MGAT4C: variants seen among roughly 807,000 people sequenced by gnomAD.
MGAT4C encodes the protein alpha-1,3-mannosyl-glycoprotein 4-beta-N-acetylglucosaminyltransferase C.
MGAT4C carries 19 observed loss-of-function variants against 40.1 expected under a neutral mutation model. That is an observed-to-expected ratio of 0.47 (90% CI 0.33 to 0.70). MGAT4C has a LOEUF of 0.70. MGAT4C is among the 30% of genes least tolerant of loss of function. MGAT4C has a pLI of 0.02. For missense variants in MGAT4C, 491 were observed against 563.2 expected (o/e 0.87, Z 1.30); for synonymous variants, 181 against 187.1 (o/e 0.97, Z 0.27).
At chr12:86,399,771 A>G (rs997756518) in intron 3 of MGAT4C, among the ~76,000 whole-genome samples, 1 of 152,182 alleles carries the variant, frequency 6.6e-6, no homozygotes, top group Non-Finnish European at 1.5e-5. Context: ...CACAGCAACA[A>G]AAGTTTCTAC....
chr12:86,770,926 T>C (rs1951622164), intron 1 of MGAT4C, among the ~76,000 whole-genome samples: 2 of 152,102 alleles, frequency 1.3e-5, no homozygotes, highest in African/African-American at 4.8e-5. Context: ...TTCCCCAAAC[T>C]CATATGTTGA....
intron 4 of MGAT4C, among the ~76,000 whole-genome samples, chr12:86,292,680 T>C (rs991645041): frequency 3.3e-5 from 5 of 152,206 alleles, no homozygotes; most frequent in African/African-American, 9.6e-5. Context: ...AAACTGCTGT[T>C]CCATTCTATT....
intron 3 of MGAT4C, among the ~76,000 whole-genome samples, chr12:86,411,103 T>G (rs1448750634): frequency 2.6e-5 from 4 of 152,202 alleles, no homozygotes; most frequent in Non-Finnish European, 5.9e-5. Flanking sequence ...TAGTATCAAG[T>G]AGTTCCTTAT....
chr12:86,216,448 C>T lies in MGAT4C; in HGVS notation c.-57+39791G>A, dbSNP rs139771774. On this transcript the variant is annotated intron_variant, in intron 1 of 4. Transcript: ENST00000611864. The stretch of plus-strand genomic sequence containing the variant: ...GCCATCTGGGCAGAAACTCTTGTTC[C>T]ATTGGCCAGTAAAACAATTTGGATC... 6.1e-3 allele frequency among the ~76,000 whole-genome samples: 921 copies of T among 152,204 alleles called. 6 individuals carry two copies. Among genetic ancestry groups the T allele is most frequent in the African/African-American group, 0.021 (890 of 41,536 alleles).
chr12:86,179,771 G>A (rs1380394202), intron 1 of MGAT4C, among the ~76,000 whole-genome samples: 1 of 152,140 alleles, frequency 6.6e-6, no homozygotes, highest in African/African-American at 2.4e-5. Flanking sequence ...AAAGTGACTT[G>A]GGTGCTGTTA....
At chr12:86,200,127 G>GTTTTTTTTTTTTTTTTTTTTTTT (rs56844963) in intron 1 of MGAT4C, among the ~76,000 whole-genome samples, 1 of 102,356 alleles carries the variant, frequency 9.8e-6, no homozygotes, top group African/African-American at 4.8e-5. Flanking sequence ...GTATGTATTT[G>GTTTTTTTTTTTTTTTTTTTTTTT]TTTTTTTTTT....
At chr12:86,496,912 T>C (rs1408127309) in intron 2 of MGAT4C, among the ~76,000 whole-genome samples, 1 of 151,974 alleles carries the variant, frequency 6.6e-6, no homozygotes, top group Non-Finnish European at 1.5e-5. Context: ...TAAAACCATA[T>C]TGAACCCTAA....
chr12:86,122,452 C>CA (rs928983098), intron 1 of MGAT4C, among the ~76,000 whole-genome samples: 37 of 152,134 alleles, frequency 2.4e-4, no homozygotes, highest in African/African-American at 7.9e-4. Flanking sequence ...TACAGCTATG[C>CA]AAAAAGTTAT....
At chr12:86,022,435 G>A (rs1329592668) in intron 2 of MGAT4C, 2 of 152,246 alleles carry the variant, frequency 1.3e-5, no homozygotes, top group Non-Finnish European at 2.9e-5. Context: ...TTCTGTCTGT[G>A]CCTGGTGGCT....
intron 2 of MGAT4C, among the ~76,000 whole-genome samples, chr12:86,540,249 G>T (rs1959149647): frequency 6.6e-6 from 1 of 152,190 alleles, no homozygotes; most frequent in Non-Finnish European, 1.5e-5. Flanking sequence ...GCTTCTGCTG[G>T]ATGACTTATT....
chr12:86,624,357 T>G (rs1235222818), intron 2 of MGAT4C, among the ~76,000 whole-genome samples: 1 of 152,122 alleles, frequency 6.6e-6, no homozygotes, highest in African/African-American at 2.4e-5. Flanking sequence ...CCTGAGGTTT[T>G]TCACAAGCAG....
chr12:86,511,629 G>C (rs1171020009), intron 2 of MGAT4C, among the ~76,000 whole-genome samples: 1 of 151,970 alleles, frequency 6.6e-6, no homozygotes, highest in African/African-American at 2.4e-5. Context: ...TTTGATCGGG[G>C]GCTAAGAATA....
At chr12:86,349,094 G>A (rs1955102869) in intron 3 of MGAT4C, among the ~76,000 whole-genome samples, 1 of 152,036 alleles carries the variant, frequency 6.6e-6, no homozygotes, top group Admixed American at 6.6e-5. Flanking sequence ...TATTGCTTGG[G>A]TTTATTTCCA....
In MGAT4C at chr12:86,035,017, C is replaced by T. The variant is rs549955227; in HGVS notation, c.-7+14657G>A. Among the ~76,000 whole-genome samples, 271 of 149,910 alleles carry T rather than the reference C, an allele frequency of 1.8e-3. 4 individuals are homozygous for T. The highest frequency in any genetic ancestry group is 6.0e-3 in the African/African-American group (250 of 41,346). On this transcript the variant is annotated intron_variant, in intron 2 of 4. Coordinates refer to ENST00000611864, the MANE Select transcript of MGAT4C (RefSeq NM_001351288.2). ...AGTTGGTTCCAAGTCTTTGCTATTG[C>T]GAACAGTCCCACAATAAACATACGT... is the stretch of plus-strand genomic sequence containing the variant.
Position 86,533,592 on chromosome 12 carries a change from A to G in MGAT4C, c.-228-98327T>C, listed in dbSNP as rs550178098. On this transcript the variant is annotated intron_variant, in intron 2 of 7. Transcript: ENST00000548651. Reference sequence around the variant, plus strand: ...CGTGTATGTATATACATAATTAATTAAATTATAATTATTTATACACACTAT... The same window carrying G: ...CGTGTATGTATATACATAATTAATTGAATTATAATTATTTATACACACTAT... Among the ~76,000 whole-genome samples, 10 of 151,890 alleles carry G rather than the reference A, an allele frequency of 6.6e-5. 1 individual carries two copies. The highest frequency in any genetic ancestry group is 2.2e-4 in the African/African-American group (9 of 41,522).
chr12:86,123,174 C>G (rs1190225486), intron 1 of MGAT4C, among the ~76,000 whole-genome samples: 1 of 152,106 alleles, frequency 6.6e-6, no homozygotes, highest in Non-Finnish European at 1.5e-5. Flanking sequence ...GGTATTTCTC[C>G]TTTAGCCAGC....
chr12:86,306,806 AAAT>A (rs1453441920), intron 4 of MGAT4C, among the ~76,000 whole-genome samples: 2 of 148,636 alleles, frequency 1.3e-5, no homozygotes, highest in Non-Finnish European at 2.9e-5. Flanking sequence ...GAAATGTAGA[AAAT>A]AATAAGATGA....
intron 4 of MGAT4C, among the ~76,000 whole-genome samples, chr12:86,262,282 A>T (rs1377391372): frequency 6.6e-6 from 1 of 152,046 alleles, no homozygotes; most frequent in Middle Eastern, 3.2e-3. Flanking sequence ...ATTACTCCTT[A>T]TTCTCACATG....
At chr12:86,337,586 C>CAAAAA (rs59069586) in intron 3 of MGAT4C, among the ~76,000 whole-genome samples, 2 of 65,666 alleles carry the variant, frequency 3.0e-5, no homozygotes, top group East Asian at 3.7e-4. Flanking sequence ...AATCTTGTCT[C>CAAAAA]AAAAAAAAAA....
Sources: gnomAD v4.1 joint callset for allele counts (sites outside exome capture counted in the v4.1 genomes callset) on GRCh38, gnomAD v4.1.1 for gene constraint, MANE v1.5 for transcripts, NCBI Gene and HGNC (gene_info 2026-07-23, HGNC 2026-07-21) for gene names.